The following PDYN variants were observed in gnomAD, a reference collection of about 807,000 sequenced individuals.
The protein encoded by PDYN is proenkephalin-B.
A neutral mutation model predicts 11.4 loss-of-function variants in PDYN; 5 were observed. The observed-to-expected ratio is 0.44, with a 90% CI of 0.23 to 0.92. The LOEUF (loss-of-function observed/expected upper bound fraction) is 0.92, where lower values mean the gene tolerates loss of function less well. Ranked by LOEUF, PDYN falls within the 40% of genes least tolerant of loss-of-function variation. PDYN has a pLI of 0.24. For synonymous variants in PDYN, 132 were observed against 129.5 expected (o/e 1.02, Z -0.13); for missense variants, 337 against 317.3 (o/e 1.06, Z -0.47).
At chr20:1,982,031 C>A (rs867218064) in intron 3 of PDYN, among the ~76,000 whole-genome samples, 6 of 151,844 alleles carry the variant, frequency 4.0e-5, no homozygotes, top group African/African-American at 1.4e-4. Flanking sequence ...CCGAGGTGGG[C>A]AAATCACTTG....
At chr20:1,981,793 G>A in intron 3 of PDYN, among the ~76,000 whole-genome samples, 1 of 151,964 alleles carries the variant, frequency 6.6e-6, no homozygotes, top group East Asian at 1.9e-4. Context: ...GGGTGTGGTG[G>A]TGTGCACCTG....
In PDYN at chr20:1,979,443, A is replaced by G. The variant is rs527943331; in HGVS notation, c.*880T>C. The G allele has an allele frequency of 6.6e-6, 1 of 152,368 alleles. No individual in the cohort carries two copies. The highest frequency in any genetic ancestry group is 6.5e-5 in the Admixed American group (1 of 15,304). 9.4% of individuals were successfully genotyped at this position (152,368 alleles called of 1,614,324 possible). On this transcript the variant is annotated 3_prime_UTR_variant, in exon 4 of 4. Transcript: ENST00000217305. ...AGTTTAATTAGTTTAATGAGGGCTG[A>G]GGGAACTGGTCCACATTTTGAGTTT...
At chr20:1,984,670 G>A (rs191912944) in intron 2 of PDYN, among the ~76,000 whole-genome samples, 89 of 152,220 alleles carry the variant, frequency 5.8e-4, no homozygotes, top group Middle Eastern at 3.4e-3. Flanking sequence ...AGGCTGAGGC[G>A]GACAGATCAC....
intron 2 of PDYN, among the ~76,000 whole-genome samples, chr20:1,990,821 A>G (rs766338331): frequency 1.3e-5 from 2 of 152,136 alleles, no homozygotes; most frequent in Non-Finnish European, 2.9e-5. Flanking sequence ...ATGTAAAAAG[A>G]GAGAGTTAGA....
At chr20:1,985,098 G>A (rs1988101022) in intron 2 of PDYN, among the ~76,000 whole-genome samples, 1 of 152,092 alleles carries the variant, frequency 6.6e-6, no homozygotes, top group African/African-American at 2.4e-5. Flanking sequence ...TTTACTCTCA[G>A]AAAAGGCTGT....
rs1191081638 is a variant in PDYN, at chr20:1,980,704, C to G, written c.384G>C (p.Glu128Asp). Residue 128 changes from glutamate to aspartate, a missense_variant, in exon 4 of 4, where the codon GAG becomes GAC. Physicochemically the swap from Glu to Asp is conservative, Grantham distance 45. Transcript: ENST00000217305. ...KENTLSKSLE[E>D]KLRGLSDGFR... is the part of the protein sequence containing the mutation. ...ACCCGTCAGAGAGACCCCTGAGCTT[C>G]TCCTCCAGGCTCTTGCTCAGAGTGT... The G allele has an allele frequency of 6.2e-7, 1 of 1,614,208 alleles. No homozygotes were observed.
Position 1,979,635 on chromosome 20 carries a change from A to G in PDYN, c.*688T>C, listed in dbSNP as rs1030748196. On this transcript the variant is annotated 3_prime_UTR_variant, in exon 4 of 4. Transcript: ENST00000217305. The stretch of plus-strand genomic sequence containing the variant: ...GAGTTCAGGAAGTCAGTTCTTCAAG[A>G]GGTGCTTTTCTGAACAATGAGGACT... 5 of 153,878 alleles carry G rather than the reference A, an allele frequency of 3.2e-5. No homozygotes were observed. Among genetic ancestry groups the G allele is most frequent in the African/African-American group, 1.2e-4 (5 of 41,446 alleles). The allele number at this position is 153,878 out of a possible 1,614,324, so 9.5% of individuals were successfully genotyped here. A position where few individuals can be genotyped will look rare whatever the true frequency, so the allele number is the denominator to read the frequency against.
chr20:1,983,999 A>T (rs1414437036), intron 2 of PDYN, among the ~76,000 whole-genome samples: 1 of 152,136 alleles, frequency 6.6e-6, no homozygotes, highest in East Asian at 1.9e-4. Flanking sequence ...CCTGGATTAG[A>T]TATTACTTCA....
Position 1,980,673 on chromosome 20 carries a change from C to T in PDYN, c.415G>A (p.Glu139Lys), listed in dbSNP as rs1987702803. The part of the protein sequence containing the change: ...KLRGLSDGFR[E>K]GAESELMRDA... ...CTCATCAGCTCAGACTCTGCTCCCT[C>T]CCTAAACCCGTCAGAGAGACCCCTG... The change falls in exon 4 of 4, where the codon GAG (glutamate) becomes AAG (lysine). Residue 139 changes from glutamate (E) to lysine (K), a missense_variant. Transcript: ENST00000217305. 5 of 1,614,214 alleles carry T rather than the reference C, an allele frequency of 3.1e-6. No homozygotes were observed. Among genetic ancestry groups the T allele is most frequent in the Non-Finnish European group, 4.2e-6 (5 of 1,180,042 alleles).
In PDYN at chr20:1,979,101, AG is replaced by A. The variant is rs1407210623; in HGVS notation, c.*1221del. 1.3e-5 allele frequency: 2 copies of A among 152,246 alleles called. No homozygotes were observed. Among genetic ancestry groups the A allele is most frequent in the Non-Finnish European group, 2.9e-5 (2 of 68,052 alleles). The allele number at this position is 152,246 out of a possible 1,614,324, so 9.4% of individuals were successfully genotyped here. ...GGGCTTTGATGGAAACCAAGACATC[AG>A]GAGGTCTCTGCCTCTGATTCAGGGT... On this transcript the variant is annotated 3_prime_UTR_variant, in exon 4 of 4. Transcript: ENST00000217305.
intron 2 of PDYN, among the ~76,000 whole-genome samples, chr20:1,983,740 C>T (rs918962127): frequency 1.3e-5 from 2 of 152,172 alleles, no homozygotes; most frequent in African/African-American, 4.8e-5. Context: ...AAATGCCGGT[C>T]TTGGCAATAT....
Position 1,980,479 on chromosome 20 carries a change from CA to C in PDYN, c.608del (p.Leu203ArgfsTer35), listed in dbSNP as rs745672508. On this transcript the variant is annotated frameshift_variant, in exon 4 of 4. Transcript: ENST00000217305. LOFTEE classifies it high-confidence loss of function. The part of the protein sequence containing the change: ...GDGDSMGHED[L>X]YKRYGGFLRR... ...GCAAGAAGCCCCCATAGCGTTTGTA[CA>C]GGTCCTCATGGCCCATGCTATCCCC... is the stretch of plus-strand genomic sequence containing the variant. The C allele has an allele frequency of 1.2e-6, 2 of 1,613,230 alleles. No individual in the cohort carries two copies. Among genetic ancestry groups the C allele is most frequent in the Non-Finnish European group, 1.7e-6 (2 of 1,179,340 alleles).
chr20:1,982,176 G>A (rs1456705555), intron 3 of PDYN, among the ~76,000 whole-genome samples: 1 of 152,020 alleles, frequency 6.6e-6, no homozygotes, highest in East Asian at 1.9e-4. Flanking sequence ...AGAATCATTT[G>A]AACCCAGGAG....
At chr20:1,992,453 C>A (rs1011551159) in intron 2 of PDYN, 131 bp downstream of exon 2, 2 of 152,388 alleles carry the variant, frequency 1.3e-5, no homozygotes, top group African/African-American at 2.4e-5. Context: ...AGTGTGACAT[C>A]CCCCTCCCAG....
chr20:1,983,557 T>C (rs1193350988), intron 2 of PDYN, among the ~76,000 whole-genome samples: 1 of 152,242 alleles, frequency 6.6e-6, no homozygotes, highest in Non-Finnish European at 1.5e-5. Flanking sequence ...TCTTTGTCCC[T>C]GTGTCCCAGA....
At chr20:1,985,208 G>A (rs551281968) in intron 2 of PDYN, among the ~76,000 whole-genome samples, 7 of 152,184 alleles carry the variant, frequency 4.6e-5, no homozygotes, top group South Asian at 4.2e-4. Flanking sequence ...AGAACCCCAC[G>A]CTGTAGCCAG....
intron 2 of PDYN, among the ~76,000 whole-genome samples, chr20:1,989,258 T>C (rs187743329): frequency 1.8e-4 from 28 of 152,304 alleles, no homozygotes; most frequent in African/African-American, 6.5e-4. Flanking sequence ...GGCCCCATTC[T>C]TCAGCCCTGA....
Position 1,985,350 on chromosome 20 carries a change from G to A in PDYN, c.-19-2247C>T, listed in dbSNP as rs190365433. ...TTCATCACCTCATTTATTCCTTCAG[G>A]GAAGCGGGCACTTCTGGTCTGGTGA... On this transcript the variant is annotated intron_variant, in intron 2 of 3. Coordinates refer to ENST00000217305, the MANE Select transcript of PDYN (RefSeq NM_024411.5). Among the ~76,000 whole-genome samples the A allele has an allele frequency of 1.2e-4, 18 of 152,154 alleles. No individual in the cohort carries two copies. The East Asian group carries it at 3.5e-3, about 29-fold the overall frequency.
In PDYN at chr20:1,980,243, T is replaced by A; in HGVS notation, c.*80A>T. On this transcript the variant is annotated 3_prime_UTR_variant, in exon 4 of 4. Coordinates refer to ENST00000217305, the MANE Select transcript of PDYN (RefSeq NM_024411.5). ...GAGCTGAGCATGGGGAAGGGGCACA[T>A]ATAAGAGGATGAATGAATGCACTCC... is the stretch of plus-strand genomic sequence containing the variant. 1 of 1,362,466 alleles carries A rather than the reference T, an allele frequency of 7.3e-7. No homozygotes were observed. The highest frequency in any genetic ancestry group is 1.0e-6 in the Non-Finnish European group (1 of 952,576). 84.4% of individuals were successfully genotyped at this position (1,362,466 alleles called of 1,614,324 possible).
Sources: gnomAD v4.1 joint callset for allele counts (sites outside exome capture counted in the v4.1 genomes callset) on GRCh38, gnomAD v4.1.1 for gene constraint, MANE v1.5 for transcripts, NCBI Gene and HGNC (gene_info 2026-07-23, HGNC 2026-07-21) for gene names.